The following ADAM18 variants were observed in gnomAD, a reference collection of about 807,000 sequenced individuals.
The protein encoded by ADAM18 is disintegrin and metalloproteinase domain-containing protein 18.
ADAM18 carries 117 observed loss-of-function variants against 94.4 expected under a neutral mutation model. The observed-to-expected ratio is 1.24, with a 90% CI of 1.07 to 1.45. ADAM18 has a LOEUF of 1.45. ADAM18 is among the 40% of genes most tolerant of loss of function. ADAM18 has a pLI of 0.00. For missense variants in ADAM18, 936 were observed against 880.0 expected, an observed-to-expected ratio of 1.06 and a Z score of -0.81; for synonymous variants, 327 against 291.6, an observed-to-expected ratio of 1.12 and a Z score of -1.24.
intron 18 of ADAM18, among the ~76,000 whole-genome samples, chr8:39,722,605 A>G (rs1822791393): frequency 6.6e-6 from 1 of 151,508 alleles, no homozygotes; most frequent in Non-Finnish European, 1.5e-5. Context: ...TAGGTACACT[A>G]AAAGCCTAGA....
At chr8:39,609,902 G>A (rs1819213460) in intron 5 of ADAM18, among the ~76,000 whole-genome samples, 2 of 152,078 alleles carry the variant, frequency 1.3e-5, no homozygotes, top group Admixed American at 1.3e-4. Flanking sequence ...GGAAAATATA[G>A]TATGGTCTCA....
At chr8:39,604,191 T>C (rs1227272519) in intron 2 of ADAM18, among the ~76,000 whole-genome samples, 1 of 152,198 alleles carries the variant, frequency 6.6e-6, no homozygotes, top group Non-Finnish European at 1.5e-5. Flanking sequence ...TTAATCTCTG[T>C]TTCTTGAAAT....
chr8:39,632,162 C>T (rs559021969), intron 7 of ADAM18, among the ~76,000 whole-genome samples: 70 of 150,804 alleles, frequency 4.6e-4, no homozygotes, highest in Admixed American at 1.5e-3. Context: ...ATTTTTACTC[C>T]GTTTTGCATT....
intron 16 of ADAM18, among the ~76,000 whole-genome samples, chr8:39,689,107 A>G (rs903203782): frequency 6.6e-6 from 1 of 151,184 alleles, no homozygotes; most frequent in Non-Finnish European, 1.5e-5. Context: ...TGGGTATTAT[A>G]CTTTTGTCAT....
In ADAM18 at chr8:39,606,354, C is replaced by T. The variant is rs145177297; in HGVS notation, c.180C>T (p.Leu60=). ...TIDGQPYTLH[L]GKQSFLPQNF... ...ATGGACAACCTTACACTCTACATCT[C>T]GGAAAACAGTAAGATATGATTTTTT... The change falls in exon 3 of 20, where the codon CTC becomes CTT. Residue 60 remains leucine (L), a synonymous_variant. Coordinates refer to ENST00000265707, the MANE Select transcript of ADAM18 (RefSeq NM_014237.3). 205 of 1,546,318 alleles carry T rather than the reference C, an allele frequency of 1.3e-4. No homozygotes were observed. The highest frequency in any genetic ancestry group is 9.4e-4 in the African/African-American group (68 of 71,988).
At chr8:39,636,088 A>C (rs1820069034) in intron 7 of ADAM18, among the ~76,000 whole-genome samples, 1 of 150,866 alleles carries the variant, frequency 6.6e-6, no homozygotes, top group South Asian at 2.1e-4. Context: ...ACAAAATCAT[A>C]GCTCACCGCA....
intron 12 of ADAM18, among the ~76,000 whole-genome samples, chr8:39,655,952 A>G (rs1820670364): frequency 6.6e-6 from 1 of 152,082 alleles, no homozygotes; most frequent in South Asian, 2.1e-4. Flanking sequence ...AAAACTGCAA[A>G]TCATTAGGAG....
intron 2 of ADAM18, among the ~76,000 whole-genome samples, chr8:39,586,078 A>G (rs1818384271): frequency 6.6e-6 from 1 of 152,224 alleles, no homozygotes; most frequent in Non-Finnish European, 1.5e-5. Flanking sequence ...AGGTTGAAAG[A>G]GTGATTTTAA....
chr8:39,584,995 G>C (rs891356691), intron 1 of ADAM18, among the ~76,000 whole-genome samples: 2 of 152,168 alleles, frequency 1.3e-5, no homozygotes, highest in Non-Finnish European at 2.9e-5. Flanking sequence ...ACTCCTCAGA[G>C]TCCTGAGGAA....
chr8:39,702,334 G>T (rs1057372025), intron 17 of ADAM18, among the ~76,000 whole-genome samples: 1 of 151,886 alleles, frequency 6.6e-6, no homozygotes, highest in African/African-American at 2.4e-5. Context: ...ACTTTTTAAT[G>T]GGGTTTTTTT....
chr8:39,589,969 A>G (rs1036558571), intron 2 of ADAM18, among the ~76,000 whole-genome samples: 1 of 146,860 alleles, frequency 6.8e-6, no homozygotes, highest in Non-Finnish European at 1.5e-5. Context: ...AAATAGGAGC[A>G]CTTTTACACT....
chr8:39,633,732 T>G lies in ADAM18; in HGVS notation c.589-3532T>G, dbSNP rs970084447. ...CTGCATGGCTTTTCCTACTTATTTA[T>G]AGTAAAATTTGAGACAAGATAAATG... is the stretch of plus-strand genomic sequence containing the variant. On this transcript the variant is annotated intron_variant, in intron 7 of 19. Coordinates refer to ENST00000265707, the MANE Select transcript of ADAM18 (RefSeq NM_014237.3). Among the ~76,000 whole-genome samples the G allele has an allele frequency of 5.3e-5, 8 of 151,596 alleles. No individual in the cohort carries two copies. The South Asian group carries it at 1.2e-3, about 24-fold the overall frequency.
intron 17 of ADAM18, among the ~76,000 whole-genome samples, chr8:39,703,801 T>C (rs960397397): frequency 2.0e-5 from 3 of 151,874 alleles, no homozygotes; most frequent in African/African-American, 7.3e-5. Flanking sequence ...AATTATAAGA[T>C]AAATAGACCA....
At chr8:39,629,500 T>A in intron 7 of ADAM18, 61 bp downstream of exon 7, 1 of 1,165,306 alleles carries the variant, frequency 8.6e-7, no homozygotes, top group South Asian at 1.5e-5. Context: ...AGAAAGAACT[T>A]TCCTTCTTGC....
At chr8:39,707,168 C>G (rs1377067977) in intron 18 of ADAM18, among the ~76,000 whole-genome samples, 1 of 152,176 alleles carries the variant, frequency 6.6e-6, no homozygotes, top group Non-Finnish European at 1.5e-5. Context: ...GATTAACTGT[C>G]CTTCCATGTT....
intron 15 of ADAM18, among the ~76,000 whole-genome samples, chr8:39,678,954 A>T (rs1270120884): frequency 6.6e-6 from 1 of 152,192 alleles, no homozygotes; most frequent in African/African-American, 2.4e-5. Context: ...AAGAATTTGT[A>T]CTCAGTAGCC....
intron 16 of ADAM18, among the ~76,000 whole-genome samples, chr8:39,682,425 C>T (rs565062132): frequency 6.6e-6 from 1 of 152,130 alleles, no homozygotes; most frequent in Non-Finnish European, 1.5e-5. Context: ...TGAGAGGAGG[C>T]AGGCTGAGAT....
intron 14 of ADAM18, among the ~76,000 whole-genome samples, chr8:39,673,502 G>A (rs995331481): frequency 2.0e-5 from 3 of 148,974 alleles, no homozygotes; most frequent in Non-Finnish European, 4.4e-5. Context: ...AGCATGTGAC[G>A]TTCCCCGCCC....
intron 7 of ADAM18, among the ~76,000 whole-genome samples, chr8:39,636,559 T>C (rs1042045258): frequency 2.0e-5 from 3 of 152,162 alleles, no homozygotes; most frequent in African/African-American, 7.2e-5. Context: ...AACCTTTTAT[T>C]CTTTTTAAAA....
Sources: gnomAD v4.1 joint callset for allele counts (sites outside exome capture counted in the v4.1 genomes callset) on GRCh38, gnomAD v4.1.1 for gene constraint, MANE v1.5 for transcripts, NCBI Gene and HGNC (gene_info 2026-07-23, HGNC 2026-07-21) for gene names.